Variants in TRABD2B observed in about 807,000 individuals in gnomAD.
TRABD2B encodes the protein metalloprotease TIKI2.
TRABD2B carries 14 observed loss-of-function variants against 40.1 expected under a neutral mutation model. The observed-to-expected ratio is 0.35, with a 90% confidence interval of 0.23 to 0.55. The LOEUF (loss-of-function observed/expected upper bound fraction) is 0.55. Among genes scored for constraint, TRABD2B ranks in the 20% least tolerant of loss-of-function variants. The pLI is 0.90. For synonymous variants in TRABD2B, 263 were observed against 277.0 expected (o/e 0.95, Z 0.50); for missense variants, 541 against 648.6 (o/e 0.83, Z 1.80).
At chr1:47,959,477 A>C (rs1645477090) in intron 2 of TRABD2B, among the ~76,000 whole-genome samples, 1 of 152,248 alleles carries the variant, frequency 6.6e-6, no homozygotes, top group Non-Finnish European at 1.5e-5. Flanking sequence ...CTAATAAAGA[A>C]GAAAGGAGAG....
At position 47,938,182 on chromosome 1, in the gene TRABD2B, C is replaced by T. The variant is rs946546075; in HGVS notation, c.666+55852G>A. On this transcript the variant is annotated intron_variant, in intron 2 of 6. Coordinates refer to ENST00000606738, the MANE Select transcript of TRABD2B (RefSeq NM_001194986.2). Reference sequence around the variant, plus strand: ...AGAAAACAGAAAGGGATGTATAGTCCATTAGCAGGACCCTTCTCTCTTTTA... The same window carrying T: ...AGAAAACAGAAAGGGATGTATAGTCTATTAGCAGGACCCTTCTCTCTTTTA... Among the ~76,000 whole-genome samples the T allele has an allele frequency of 7.9e-5, 12 of 152,308 alleles. No individual in the cohort carries two copies. In the South Asian group the frequency reaches 2.5e-3, roughly 32 times the overall value.
At chr1:47,841,214 A>G (rs551432705) in intron 2 of TRABD2B, among the ~76,000 whole-genome samples, 1 of 152,270 alleles carries the variant, frequency 6.6e-6, no homozygotes, top group South Asian at 2.1e-4. Context: ...GCCTGCACCC[A>G]TTTTGGTTTT....
intron 1 of TRABD2B, among the ~76,000 whole-genome samples, chr1:47,995,519 TGC>T: frequency 7.0e-6 from 1 of 142,366 alleles, no homozygotes; most frequent in Admixed American, 7.0e-5. Flanking sequence ...TGTGTGTGTG[TGC>T]GCGTGTGTGT....
chr1:47,819,792 C>T (rs1309239412), intron 2 of TRABD2B: 1 of 152,174 alleles, frequency 6.6e-6, no homozygotes, highest in Non-Finnish European at 1.5e-5. Context: ...TCGGGCTGAA[C>T]CCTGCACTGG....
At chr1:47,776,297 G>A (rs888501280) in intron 5 of TRABD2B, among the ~76,000 whole-genome samples, 3 of 152,146 alleles carry the variant, frequency 2.0e-5, no homozygotes, top group South Asian at 2.1e-4. Context: ...TCCACAGCCC[G>A]GCTCCACAAC....
chr1:47,941,546 T>C (rs1412268538), intron 2 of TRABD2B, among the ~76,000 whole-genome samples: 4 of 152,272 alleles, frequency 2.6e-5, no homozygotes, highest in African/African-American at 9.6e-5. Flanking sequence ...CCAATTTACC[T>C]GGACACTGCC....
intron 2 of TRABD2B, among the ~76,000 whole-genome samples, chr1:47,838,095 A>C (rs1645343853): frequency 6.6e-6 from 1 of 152,168 alleles, no homozygotes. Context: ...TTTACACAGC[A>C]CTCAAAGGAA....
In TRABD2B at chr1:47,859,266, G is replaced by A. The variant is rs376093217; in HGVS notation, c.667-57647C>T. On this transcript the variant is annotated intron_variant, in intron 2 of 6. Transcript: ENST00000606738. ...ACCCATCTGGCCTGCTCCTCCCACC[G>A]CCTTTGCTGTGGTCTGGTGGTTACC... 1.8e-4 allele frequency among the ~76,000 whole-genome samples: 28 copies of A among 151,976 alleles called. No individual in the cohort carries two copies. In the East Asian group the frequency reaches 4.5e-3, roughly 24 times the overall value.
At chr1:47,959,453 G>T (rs1481046947) in intron 2 of TRABD2B, among the ~76,000 whole-genome samples, 1 of 152,132 alleles carries the variant, frequency 6.6e-6, no homozygotes, top group African/African-American at 2.4e-5. Context: ...CAACAAAGTT[G>T]ATAGTTAGCA....
At chr1:47,955,098 A>G (rs775216536) in intron 2 of TRABD2B, among the ~76,000 whole-genome samples, 11 of 152,070 alleles carry the variant, frequency 7.2e-5, no homozygotes, top group Non-Finnish European at 1.6e-4. Flanking sequence ...CCTCCTAAAC[A>G]GTCCCCCATT....
intron 2 of TRABD2B, among the ~76,000 whole-genome samples, chr1:47,859,139 C>T (rs947674779): frequency 6.6e-6 from 1 of 152,168 alleles, no homozygotes; most frequent in Non-Finnish European, 1.5e-5. Flanking sequence ...CAAAGCTGCC[C>T]CTCTTGAGGC....
At chr1:47,784,207 A>G (rs1179760398) in intron 4 of TRABD2B, among the ~76,000 whole-genome samples, 3 of 152,138 alleles carry the variant, frequency 2.0e-5, no homozygotes, top group Non-Finnish European at 2.9e-5. Context: ...TTGGACTTCA[A>G]TCCAGAGATG....
intron 2 of TRABD2B, among the ~76,000 whole-genome samples, chr1:47,979,769 A>T (rs1645814399): frequency 1.3e-5 from 2 of 152,344 alleles, no homozygotes; most frequent in African/African-American, 2.4e-5. Context: ...GCTCCCTCAC[A>T]AAAGGCCCTG....
At chr1:47,929,818 T>C (rs1645016114) in intron 2 of TRABD2B, among the ~76,000 whole-genome samples, 1 of 152,176 alleles carries the variant, frequency 6.6e-6, no homozygotes, top group Non-Finnish European at 1.5e-5. Flanking sequence ...CTCATCTCCC[T>C]CTTCACCTCC....
intron 2 of TRABD2B, among the ~76,000 whole-genome samples, chr1:47,973,044 GAC>G: frequency 6.6e-6 from 1 of 152,320 alleles, no homozygotes. Flanking sequence ...TCCTGTCTAA[GAC>G]AGCATTACGC....
intron 2 of TRABD2B, among the ~76,000 whole-genome samples, chr1:47,885,760 T>C (rs1310243027): frequency 3.9e-5 from 6 of 152,110 alleles, no homozygotes; most frequent in Admixed American, 3.3e-4. Context: ...ATCCTGCAAA[T>C]AGCCAAAAGA....
At chr1:47,861,206 T>C (rs561734817) in intron 2 of TRABD2B, among the ~76,000 whole-genome samples, 1 of 152,136 alleles carries the variant, frequency 6.6e-6, no homozygotes, top group East Asian at 1.9e-4. Context: ...AAACTGGGGA[T>C]AATTTTGCTA....
intron 4 of TRABD2B, among the ~76,000 whole-genome samples, chr1:47,790,397 G>A (rs1366240243): frequency 2.0e-5 from 3 of 152,136 alleles, no homozygotes; most frequent in Non-Finnish European, 4.4e-5. Context: ...TGGATAGGGA[G>A]GGCTTCCATC....
intron 1 of TRABD2B, among the ~76,000 whole-genome samples, chr1:47,995,878 A>G (rs1646083486): frequency 6.6e-6 from 1 of 152,242 alleles, no homozygotes; most frequent in Middle Eastern, 3.2e-3. Flanking sequence ...GCCCAAGGTC[A>G]GCGAATTCCG....
Sources: allele counts gnomAD v4.1 joint callset (sites outside exome capture counted in the v4.1 genomes callset), GRCh38; gene constraint gnomAD v4.1.1; transcripts MANE v1.5; gene names NCBI Gene and HGNC (gene_info 2026-07-23, HGNC 2026-07-21).